CTNND2: variants seen among roughly 807,000 people sequenced by gnomAD.
CTNND2 encodes catenin delta 2, also known as catenin delta-2.
A neutral mutation model predicts 144.4 loss-of-function variants in CTNND2; 22 were observed. That is an observed-to-expected ratio of 0.15 (90% CI 0.11 to 0.22). CTNND2 has a LOEUF of 0.22. Among genes scored for constraint, CTNND2 ranks in the 10% least tolerant of loss-of-function variants. The pLI is 1.00. For synonymous variants in CTNND2, 751 were observed against 695.6 expected (o/e 1.08, Z -1.25); for missense variants, 1,353 against 1,618.8 (o/e 0.84, Z 2.82).
chr5:11,046,495 A>G (rs1288618850), intron 16 of CTNND2, among the ~76,000 whole-genome samples: 2 of 152,230 alleles, frequency 1.3e-5, no homozygotes, highest in Non-Finnish European at 2.9e-5. Flanking sequence ...ACTTTGTTAT[A>G]GGAACCCTAT....
At chr5:11,732,413 G>C in intron 1 of CTNND2, 141 bp from the exon 2 acceptor site, 1 of 704,846 alleles carries the variant, frequency 1.4e-6, no homozygotes, top group Non-Finnish European at 2.3e-6. Flanking sequence ...ATTATAGAAC[G>C]GGAGTAATAC....
At chr5:11,825,215 G>A (rs1793534961) in intron 1 of CTNND2, among the ~76,000 whole-genome samples, 1 of 152,072 alleles carries the variant, frequency 6.6e-6, no homozygotes, top group Non-Finnish European at 1.5e-5. Flanking sequence ...ATATAGAAGA[G>A]GTGGGAACAC....
rs117280500 is a variant in CTNND2, at chr5:11,181,300, T to C, written c.1975+18148A>G. On this transcript the variant is annotated intron_variant, in intron 11 of 21. Transcript: ENST00000304623. The stretch of plus-strand genomic sequence containing the variant: ...TGCTCTTCAGGGATTCTAGTACAAA[T>C]TGTAATGCAAGGGGCAGTGAGCCAT... 8.0e-4 allele frequency among the ~76,000 whole-genome samples: 122 copies of C among 152,288 alleles called. 1 individual carries two copies. In the East Asian group the frequency reaches 0.02, roughly 26 times the overall value.
chr5:11,774,021 G>C (rs578102225), intron 1 of CTNND2, among the ~76,000 whole-genome samples: 4 of 152,094 alleles, frequency 2.6e-5, no homozygotes, highest in African/African-American at 9.7e-5. Flanking sequence ...CAAGAAAGAA[G>C]AGATCATACA....
chr5:11,114,347 C>G (rs1214549949), intron 13 of CTNND2, among the ~76,000 whole-genome samples: 1 of 151,140 alleles, frequency 6.6e-6, no homozygotes, highest in African/African-American at 2.4e-5. Flanking sequence ...TGGGAAGAAG[C>G]TAGAAGAAGA....
chr5:11,574,828 G>T (rs1400702626), intron 2 of CTNND2, among the ~76,000 whole-genome samples: 1 of 152,140 alleles, frequency 6.6e-6, no homozygotes, highest in African/African-American at 2.4e-5. Context: ...TATTTAAAGG[G>T]TGAAAGACAA....
At chr5:11,514,112 G>C (rs970860621) in intron 3 of CTNND2, among the ~76,000 whole-genome samples, 3 of 152,062 alleles carry the variant, frequency 2.0e-5, no homozygotes, top group Non-Finnish European at 4.4e-5. Flanking sequence ...TTGAGCCAAG[G>C]CAGTTGAAGC....
At chr5:11,202,447 C>T (rs1003669845) in intron 10 of CTNND2, among the ~76,000 whole-genome samples, 15 of 152,100 alleles carry the variant, frequency 9.9e-5, no homozygotes, top group African/African-American at 3.6e-4. Flanking sequence ...AGTCAATTAA[C>T]CTTTTTCTTT....
intron 20 of CTNND2, among the ~76,000 whole-genome samples, chr5:10,984,262 G>A (rs1737658118): frequency 6.6e-6 from 1 of 152,152 alleles, no homozygotes; most frequent in South Asian, 2.1e-4. Context: ...ACAGCACCTG[G>A]CCTCAGTGGA....
At chr5:11,416,403 T>C (rs535319749) in intron 3 of CTNND2, among the ~76,000 whole-genome samples, 2 of 152,328 alleles carry the variant, frequency 1.3e-5, no homozygotes, top group African/African-American at 4.8e-5. Flanking sequence ...TTCAATGGTT[T>C]CCCTGATTTC....
At chr5:10,998,986 T>C (rs1039013262) in intron 18 of CTNND2, among the ~76,000 whole-genome samples, 3 of 152,152 alleles carry the variant, frequency 2.0e-5, no homozygotes, top group African/African-American at 7.2e-5. Context: ...TGGAAACTCA[T>C]GGAACACTAG....
At chr5:11,749,871 T>C (rs538161836) in intron 1 of CTNND2, among the ~76,000 whole-genome samples, 3 of 152,138 alleles carry the variant, frequency 2.0e-5, no homozygotes, top group South Asian at 4.1e-4. Flanking sequence ...TTTAAAAAAA[T>C]AGACCCTTGT....
chr5:11,031,493 T>C (rs1004067417), intron 16 of CTNND2, among the ~76,000 whole-genome samples: 3 of 152,198 alleles, frequency 2.0e-5, no homozygotes, highest in African/African-American at 7.2e-5. Flanking sequence ...AAGTCTTCAA[T>C]AGACTCCAGA....
At chr5:11,798,364 T>C (rs957404193) in intron 1 of CTNND2, among the ~76,000 whole-genome samples, 1 of 152,208 alleles carries the variant, frequency 6.6e-6, no homozygotes, top group Non-Finnish European at 1.5e-5. Context: ...TGGGGAACTA[T>C]TTTCATGTAT....
intron 18 of CTNND2, among the ~76,000 whole-genome samples, chr5:11,012,423 C>A (rs927582519): frequency 6.6e-6 from 1 of 152,222 alleles, no homozygotes; most frequent in South Asian, 2.1e-4. Flanking sequence ...GAACATGCTG[C>A]CAGGTCTAAG....
intron 16 of CTNND2, among the ~76,000 whole-genome samples, chr5:11,074,921 C>A (rs1470675513): frequency 6.6e-6 from 1 of 152,134 alleles, no homozygotes; most frequent in Non-Finnish European, 1.5e-5. Flanking sequence ...GTAAAGGAAG[C>A]TTGAAAGGAT....
At chr5:11,008,963 G>C (rs976775911) in intron 18 of CTNND2, among the ~76,000 whole-genome samples, 31 of 152,344 alleles carry the variant, frequency 2.0e-4, no homozygotes, top group African/African-American at 7.0e-4. Flanking sequence ...TGACCATGGA[G>C]CCATGAACTT....
intron 1 of CTNND2, among the ~76,000 whole-genome samples, chr5:11,856,531 A>T (rs1039089790): frequency 6.6e-6 from 1 of 152,216 alleles, no homozygotes; most frequent in Admixed American, 6.5e-5. Flanking sequence ...AGAAACAGGA[A>T]GAAAAGGTAA....
At chr5:11,467,725 A>G (rs1258111072) in intron 3 of CTNND2, among the ~76,000 whole-genome samples, 2 of 152,200 alleles carry the variant, frequency 1.3e-5, no homozygotes, top group Non-Finnish European at 2.9e-5. Flanking sequence ...TTGGGTATTT[A>G]TTCCCAGTGA....
Sources: allele counts gnomAD v4.1 joint callset (sites outside exome capture counted in the v4.1 genomes callset), GRCh38; gene constraint gnomAD v4.1.1; transcripts MANE v1.5; gene names NCBI Gene and HGNC (gene_info 2026-07-23, HGNC 2026-07-21).